Variants in NUP62CL observed in about 807,000 individuals in gnomAD.
The protein encoded by NUP62CL is nucleoporin 62 C-terminal like, also known as nucleoporin-62 C-terminal-like protein.
A neutral mutation model predicts 15.3 loss-of-function variants in NUP62CL; 13 were observed. The observed-to-expected ratio is 0.85, with a 90% confidence interval of 0.55 to 1.35. NUP62CL has a LOEUF of 1.35. NUP62CL is among the 40% of genes most tolerant of loss of function. The pLI, the probability that NUP62CL is intolerant of heterozygous loss-of-function variation, is 0.00. For synonymous variants in NUP62CL, 54 were observed against 49.2 expected (o/e 1.10, Z -0.41); for missense variants, 123 against 130.6 (o/e 0.94, Z 0.28).
At chrX:107,153,952 G>A in intron 5 of NUP62CL, 144 bp downstream of exon 5, 1 of 504,542 alleles carries the variant, frequency 2.0e-6, no homozygotes, top group Non-Finnish European at 3.2e-6. Flanking sequence ...CAGCCTAGGT[G>A]ATAGAGCAAG....
intron 4 of NUP62CL, among the ~76,000 whole-genome samples, chrX:107,155,988 G>A (rs975055729): frequency 3.6e-5 from 4 of 112,264 alleles, no homozygotes; most frequent in Non-Finnish European, 5.6e-5. Context: ...GGGTCAGGGA[G>A]TTCCCTTTCC....
rs1926551403 is a variant in NUP62CL at position 107,167,751 on chromosome X, G to A, written c.92C>T (p.Thr31Ile). Residue 31 changes from threonine (T) to isoleucine (I), a missense_variant, in exon 4 of 9, where the codon ACC becomes ATC. Transcript: ENST00000372466. Reference sequence around the variant, plus strand: ...GGTGATTGTGGTAGTAGTGTTGGTGGTGAAAGTGGCGGTGGTAGTCGTTGA... The same window carrying A: ...GGTGATTGTGGTAGTAGTGTTGGTGATGAAAGTGGCGGTGGTAGTCGTTGA... ...TTSTTTTATF[T>I]TNTTTTITSG... 1.7e-6 allele frequency: 2 copies of A among 1,191,855 alleles called. No homozygotes were observed. The highest frequency in any genetic ancestry group is 1.8e-5 in the African/African-American group (1 of 56,930).
At chrX:107,131,539 C>T (rs1925516240) in intron 8 of NUP62CL, 2 of 349,215 alleles carry the variant, frequency 5.7e-6, no homozygotes, top group Middle Eastern at 8.6e-4. Flanking sequence ...TTTTAAATTG[C>T]TGATTATCAG....
rs1393240512 is a variant in NUP62CL, at chrX:107,156,186, G to C, written c.195-1940C>G. Among the ~76,000 whole-genome samples the C allele has an allele frequency of 1.8e-4, 20 of 111,019 alleles. No homozygotes were observed. The East Asian group carries it at 4.9e-3, about 27-fold the overall frequency. On this transcript the variant is annotated intron_variant, in intron 4 of 8. Transcript: ENST00000372466. ...GCAGTCTGAGATCAAACTGCAAGGC[G>C]GCAGCCAGGCTGGGGGAGGGGCGCC...
chrX:107,157,696 A>G (rs1292399688), intron 4 of NUP62CL, among the ~76,000 whole-genome samples: 2 of 109,032 alleles, frequency 1.8e-5, no homozygotes, highest in African/African-American at 3.3e-5. Flanking sequence ...AAAGACCATC[A>G]AGACTAGGAA....
chrX:107,200,546 G>A lies in NUP62CL; in HGVS notation c.-92+5727C>T, dbSNP rs1050173347. Among the ~76,000 whole-genome samples the A allele has an allele frequency of 5.5e-5, 6 of 108,687 alleles. No homozygotes were observed. The Admixed American group carries it at 6.0e-4, about 11-fold the overall frequency. 94.4% of individuals were successfully genotyped at this position (108,687 alleles called of 115,157 possible). A position where few individuals can be genotyped will look rare whatever the true frequency, so the allele number is the denominator to read the frequency against. On this transcript the variant is annotated intron_variant, in intron 1 of 8. Transcript: ENST00000372466. Reference sequence around the variant, plus strand: ...AGGCAGGAGAATCGCTTGAACCTGGGAGGTGGAGGTTGCAGTGAGCCGAGA... The same window carrying A: ...AGGCAGGAGAATCGCTTGAACCTGGAAGGTGGAGGTTGCAGTGAGCCGAGA...
At chrX:107,181,226 T>G (rs1926914268) in intron 2 of NUP62CL, among the ~76,000 whole-genome samples, 1 of 110,834 alleles carries the variant, frequency 9.0e-6, no homozygotes, top group South Asian at 3.9e-4. Context: ...TGGTTTTACT[T>G]TCTACCTTAA....
intron 4 of NUP62CL, among the ~76,000 whole-genome samples, chrX:107,160,206 C>A (rs1338700987): frequency 0.016 from 1,059 of 65,030 alleles, no homozygotes; most frequent in African/African-American, 0.029. Context: ...GCCATACTGC[C>A]CAAGGTAATT....
intron 2 of NUP62CL, among the ~76,000 whole-genome samples, chrX:107,189,861 G>A (rs866213759): frequency 4.3e-4 from 28 of 64,887 alleles, no homozygotes; most frequent in South Asian, 3.5e-3. Flanking sequence ...AAGGAAGGAA[G>A]GAAGGAAAAA....
At chrX:107,198,071 C>G (rs1461697824) in intron 1 of NUP62CL, among the ~76,000 whole-genome samples, 4 of 111,633 alleles carry the variant, frequency 3.6e-5, no homozygotes. Flanking sequence ...CAGGTGGGGA[C>G]CTGGAGAACT....
chrX:107,154,089 T>C lies in NUP62CL; in HGVS notation c.345+7A>G. On this transcript the variant is annotated splice_region_variant and intron_variant, in intron 5 of 8. Coordinates refer to ENST00000372466, the MANE Select transcript of NUP62CL (RefSeq NM_017681.3). Reference sequence around the variant, plus strand: ...ATGTAGGTAGATTAATGAAAATATTTTCTTACCATCTCACCATTCTCAATC... The same window carrying C: ...ATGTAGGTAGATTAATGAAAATATTCTCTTACCATCTCACCATTCTCAATC... 1 of 1,188,899 alleles carries C rather than the reference T, an allele frequency of 8.4e-7. No homozygotes were observed. Among genetic ancestry groups the C allele is most frequent in the Non-Finnish European group, 1.1e-6 (1 of 883,298 alleles).
chrX:107,161,224 C>T (rs1169614544), intron 4 of NUP62CL, among the ~76,000 whole-genome samples: 2 of 98,183 alleles, frequency 2.0e-5, no homozygotes, highest in East Asian at 3.3e-4. Context: ...GTCAGTGTGG[C>T]GATTCCTCAG....
chrX:107,149,742 C>A (rs1035604442), intron 7 of NUP62CL, among the ~76,000 whole-genome samples: 2 of 111,581 alleles, frequency 1.8e-5, no homozygotes, highest in Non-Finnish European at 3.8e-5. Context: ...TTCACCTACC[C>A]GATCCTGGCC....
At position 107,128,282 on chromosome X, in the gene NUP62CL, C is replaced by A. The variant is rs149565079; in HGVS notation, c.*43-3950G>T. 6.6e-3 allele frequency among the ~76,000 whole-genome samples: 733 copies of A among 111,754 alleles called. 7 individuals are homozygous for A. Among genetic ancestry groups the A allele is most frequent in the African/African-American group, 0.022 (686 of 30,805 alleles). ...TTAACTAAACAAACTATGGTATATCCATATAATGCAATATTTAGCAGCCAT... is the reference window on the plus strand; with the variant it reads ...TTAACTAAACAAACTATGGTATATCAATATAATGCAATATTTAGCAGCCAT... On this transcript the variant is annotated intron_variant, in intron 8 of 8. Transcript: ENST00000372466.
At chrX:107,188,255 A>G (rs913074145) in intron 2 of NUP62CL, among the ~76,000 whole-genome samples, 7 of 112,017 alleles carry the variant, frequency 6.2e-5, no homozygotes, top group African/African-American at 2.3e-4. Flanking sequence ...AGAACTATAT[A>G]CCATGACAAG....
At chrX:107,128,369 A>G (rs1163691497) in intron 8 of NUP62CL, among the ~76,000 whole-genome samples, 3 of 112,276 alleles carry the variant, frequency 2.7e-5, no homozygotes, top group Non-Finnish European at 5.6e-5. Context: ...TTAGCTTTGT[A>G]TCTCTTTCTC....
intron 8 of NUP62CL, among the ~76,000 whole-genome samples, chrX:107,143,750 CTA>C (rs1331983591): frequency 9.0e-6 from 1 of 111,683 alleles, no homozygotes; most frequent in African/African-American, 3.3e-5. Context: ...ATTACTTTTT[CTA>C]TAACGATTAT....
intron 2 of NUP62CL, among the ~76,000 whole-genome samples, chrX:107,179,807 A>G (rs1390328038): frequency 1.8e-5 from 2 of 112,362 alleles, no homozygotes; most frequent in Non-Finnish European, 3.8e-5. Context: ...ATTGTTTTCC[A>G]TAGAAATTGA....
intron 8 of NUP62CL, among the ~76,000 whole-genome samples, chrX:107,126,289 TG>T (rs1228375459): frequency 1.1e-4 from 12 of 112,203 alleles, no homozygotes; most frequent in Non-Finnish European, 1.9e-4. Flanking sequence ...GACTCACTAT[TG>T]TTAAGATGGC....
Sources: gnomAD v4.1 joint callset for allele counts (sites outside exome capture counted in the v4.1 genomes callset) on GRCh38, gnomAD v4.1.1 for gene constraint, MANE v1.5 for transcripts, NCBI Gene and HGNC (gene_info 2026-07-23, HGNC 2026-07-21) for gene names.